TBC1D30: variants seen among roughly 807,000 people sequenced by gnomAD.
TBC1D30 encodes TBC1 domain family, member 30.
TBC1D30 carries 31 observed loss-of-function variants against 63.2 expected under a neutral mutation model. The observed-to-expected ratio is 0.49, with a 90% CI of 0.37 to 0.66. TBC1D30 has a LOEUF of 0.66. TBC1D30 is among the 30% of genes least tolerant of loss of function. TBC1D30 has a pLI of 0.00. For synonymous variants in TBC1D30, 307 were observed against 361.5 expected (o/e 0.85, Z 1.71); for missense variants, 810 against 953.6 (o/e 0.85, Z 1.98).
intron 1 of TBC1D30, among the ~76,000 whole-genome samples, chr12:64,785,230 C>A (rs1211374757): frequency 6.6e-6 from 1 of 150,902 alleles, no homozygotes; most frequent in Non-Finnish European, 1.5e-5. Context: ...TGGCTCACTG[C>A]AGCCTCCTCC....
intron 10 of TBC1D30, among the ~76,000 whole-genome samples, chr12:64,869,857 CTT>C (rs907587579): frequency 1.4e-4 from 22 of 152,256 alleles, no homozygotes; most frequent in African/African-American, 4.6e-4. Context: ...GTCTCTCAGT[CTT>C]TTTTTGACTC....
chr12:64,834,693 G>C (rs1166676804), intron 5 of TBC1D30, among the ~76,000 whole-genome samples: 1 of 143,534 alleles, frequency 7.0e-6, no homozygotes. Flanking sequence ...ACAGGCATGA[G>C]CCACCGTGCC....
upstream of TBC1D30, among the ~76,000 whole-genome samples, chr12:64,820,060 C>T (rs1338778300): frequency 6.6e-6 from 1 of 152,142 alleles, no homozygotes; most frequent in Non-Finnish European, 1.5e-5. Context: ...TCCCTGTGGT[C>T]TCTCTCTCCT....
intron 11 of TBC1D30, among the ~76,000 whole-genome samples, chr12:64,874,121 C>G (rs1419594147): frequency 6.6e-6 from 1 of 152,186 alleles, no homozygotes; most frequent in Non-Finnish European, 1.5e-5. Context: ...AGGAGTCTCA[C>G]TGTATTGCCC....
chr12:64,816,496 T>C (rs1373843491), intron 2 of TBC1D30, among the ~76,000 whole-genome samples: 6 of 152,210 alleles, frequency 3.9e-5, no homozygotes, highest in African/African-American at 9.7e-5. Context: ...AACATTTATA[T>C]TGGATTGAGG....
chr12:64,848,650 A>G (rs1876600897), intron 8 of TBC1D30, among the ~76,000 whole-genome samples: 1 of 152,210 alleles, frequency 6.6e-6, no homozygotes, highest in African/African-American at 2.4e-5. Context: ...TATATGTGCT[A>G]CATTTTCTTT....
At chr12:64,855,885 G>T (rs776480594) in intron 8 of TBC1D30, among the ~76,000 whole-genome samples, 28 of 152,206 alleles carry the variant, frequency 1.8e-4, no homozygotes, top group Middle Eastern at 3.2e-3. Flanking sequence ...ACATTGAAGA[G>T]TTAGGTATTA....
chr12:64,813,241 T>C (rs1873319782), intron 2 of TBC1D30, among the ~76,000 whole-genome samples: 1 of 151,958 alleles, frequency 6.6e-6, no homozygotes, highest in African/African-American at 2.4e-5. Context: ...AATACAAAAA[T>C]TAGCCGGATG....
chr12:64,777,059 C>T (rs765334210), upstream of TBC1D30, among the ~76,000 whole-genome samples: 2 of 152,170 alleles, frequency 1.3e-5, no homozygotes, highest in African/African-American at 4.8e-5. Context: ...ATTCAACATC[C>T]ATTCATGTTA....
chr12:64,820,778 A>G (rs1873843428), upstream of TBC1D30, among the ~76,000 whole-genome samples: 1 of 152,240 alleles, frequency 6.6e-6, no homozygotes, highest in Non-Finnish European at 1.5e-5. Context: ...TGTGAGTCAC[A>G]CAATCAACAT....
rs775202103 is a variant in TBC1D30, at chr12:64,875,779, A to G, written c.2277A>G (p.Lys759=). Residue 759 remains lysine, a synonymous_variant, in exon 12 of 12, where the codon AAA becomes AAG. Coordinates refer to ENST00000539867, the MANE Select transcript of TBC1D30 (RefSeq NM_015279.2). ...CCGGCGGTGGAAACAGTGGCACTAAAAAACGATGATGTCTCCCCGAAACTT... is the reference window on the plus strand; with the variant it reads ...CCGGCGGTGGAAACAGTGGCACTAAGAAACGATGATGTCTCCCCGAAACTT... ...SKPGGGNSGT[K]KR The G allele has an allele frequency of 2.0e-6, 3 of 1,529,606 alleles. No individual in the cohort carries two copies. In the South Asian group the frequency reaches 3.6e-5, roughly 18 times the overall value. The allele number at this position is 1,529,606 out of a possible 1,614,324, so 94.8% of individuals were successfully genotyped here.
chr12:64,853,810 G>T (rs769187338), intron 8 of TBC1D30, among the ~76,000 whole-genome samples: 4 of 152,126 alleles, frequency 2.6e-5, no homozygotes, highest in Non-Finnish European at 5.9e-5. Context: ...CTTACCCTCC[G>T]TGGGCTGCAC....
intron 1 of TBC1D30, among the ~76,000 whole-genome samples, chr12:64,770,409 C>G (rs1870862271): frequency 6.6e-6 from 1 of 152,176 alleles, no homozygotes; most frequent in East Asian, 1.9e-4. Flanking sequence ...AGTAGCCAGG[C>G]AAGCTAGGCT....
intron 2 of TBC1D30, among the ~76,000 whole-genome samples, chr12:64,801,523 A>G (rs1003032181): frequency 6.6e-6 from 1 of 152,118 alleles, no homozygotes; most frequent in African/African-American, 2.4e-5. Context: ...AACATGGAGG[A>G]ATTTTATGGA....
At chr12:64,853,526 C>G (rs1398126073) in intron 8 of TBC1D30, among the ~76,000 whole-genome samples, 3 of 152,150 alleles carry the variant, frequency 2.0e-5, no homozygotes, top group African/African-American at 7.2e-5. Context: ...GTTCTAGGCA[C>G]CACTGGGGTA....
chr12:64,858,084 G>C (rs1276973098), intron 8 of TBC1D30, among the ~76,000 whole-genome samples: 1 of 152,054 alleles, frequency 6.6e-6, no homozygotes, highest in East Asian at 1.9e-4. Flanking sequence ...CTAATTTTTG[G>C]TTCTTGTTAT....
At position 64,878,329 on chromosome 12, in the gene TBC1D30, A is replaced by G. The variant is rs1331911941; in HGVS notation, c.*2541A>G. On this transcript the variant is annotated 3_prime_UTR_variant, in exon 12 of 12. Transcript: ENST00000539867. Reference sequence around the variant, plus strand: ...ACAGCATGTACAAAGACCAGTATGGACTTGCTATCTTCCCTATGTATTGGA... The same window carrying G: ...ACAGCATGTACAAAGACCAGTATGGGCTTGCTATCTTCCCTATGTATTGGA... 1 of 408,918 alleles carries G rather than the reference A, an allele frequency of 2.4e-6. No homozygotes were observed. Among genetic ancestry groups the G allele is most frequent in the Non-Finnish European group, 4.9e-6 (1 of 203,276 alleles). The allele number at this position is 408,918 out of a possible 1,614,324, so 25.3% of individuals were successfully genotyped here. A position where few individuals can be genotyped will look rare whatever the true frequency, so the allele number is the denominator to read the frequency against.
At position 64,840,004 on chromosome 12, in the gene TBC1D30, C is replaced by CAAAAAAAAAAAAAAAAAAA. The variant is rs60440376; in HGVS notation, c.932+1159_932+1177dup. Among the ~76,000 whole-genome samples, 74 of 98,312 alleles carry CAAAAAAAAAAAAAAAAAAA rather than the reference C, an allele frequency of 7.5e-4. 4 individuals carry two copies. The highest frequency in any genetic ancestry group is 3.3e-3 in the African/African-American group (63 of 19,322). 64.5% of individuals were successfully genotyped at this position (98,312 alleles called of 152,430 possible). A position where few individuals can be genotyped will look rare whatever the true frequency, so the allele number is the denominator to read the frequency against. On this transcript the variant is annotated intron_variant, in intron 7 of 11. Coordinates refer to ENST00000539867, the MANE Select transcript of TBC1D30 (RefSeq NM_015279.2). ...TGGACGACAGAGCAAGACTCTGTCT[C>CAAAAAAAAAAAAAAAAAAA]AAAAAAAAAAAAAAAAAAAAAAAAT...
chr12:64,780,761 G>A, exon 1 of TBC1D30: 2 of 987,982 alleles, frequency 2.0e-6, no homozygotes, highest in Non-Finnish European at 2.4e-6. Context: ...GGCCGGCGCC[G>A]CGAGGCGGGA....
Sources: allele counts gnomAD v4.1 joint callset (sites outside exome capture counted in the v4.1 genomes callset), GRCh38; gene constraint gnomAD v4.1.1; transcripts MANE v1.5; gene names NCBI Gene and HGNC (gene_info 2026-07-23, HGNC 2026-07-21).